The following TNXB variants were observed in gnomAD, a reference collection of about 807,000 sequenced individuals.
TNXB encodes tenascin-X.
A neutral mutation model predicts 340.5 loss-of-function variants in TNXB; 183 were observed. The ratio of observed to expected loss-of-function variants is 0.54; its 90% CI spans 0.48 to 0.61. The LOEUF (loss-of-function observed/expected upper bound fraction) is 0.61, where lower values mean the gene tolerates loss of function less well. TNXB is among the 20% of genes least tolerant of loss of function. TNXB has a pLI of 0.00. For synonymous variants in TNXB, 2,121 were observed against 2,314.5 expected (o/e 0.92, Z 2.40); for missense variants, 4,613 against 5,446.4 (o/e 0.85, Z 4.82).
chr6:32,057,677 G>A (rs142697578), intron 22 of TNXB, among the ~76,000 whole-genome samples: 98 of 152,296 alleles, frequency 6.4e-4, no homozygotes, highest in African/African-American at 2.2e-3. Context: ...TGCCTCTCAC[G>A]TGCCATGCTC....
rs1778720746 is a variant in TNXB at position 32,070,677 on chromosome 6, C to T, written c.4991-263G>A. Among the ~76,000 whole-genome samples the T allele has an allele frequency of 6.6e-6, 1 of 152,196 alleles. No homozygotes were observed. Among genetic ancestry groups the T allele is most frequent in the South Asian group, 2.1e-4 (1 of 4,832 alleles). ...TCATCTTACTCCCCTTTCTGTCCAG[C>T]CTCTTTCCGCCTCTCACAGACTGCT... On this transcript the variant is annotated intron_variant, in intron 13 of 43. Transcript: ENST00000644971. The surrounding 1 kb of genome is among the most constrained non-coding windows in gnomAD (Gnocchi z 6.0).
Position 32,046,058 on chromosome 6 carries a change from C to A in TNXB, c.10606+117G>T. 2.1e-6 allele frequency: 3 copies of A among 1,455,970 alleles called. No homozygotes were observed. Among genetic ancestry groups the A allele is most frequent in the Non-Finnish European group, 2.7e-6 (3 of 1,108,744 alleles). 90.2% of individuals were successfully genotyped at this position (1,455,970 alleles called of 1,614,324 possible). A position where few individuals can be genotyped will look rare whatever the true frequency, so the allele number is the denominator to read the frequency against. On this transcript the variant is annotated intron_variant, in intron 31 of 43. Coordinates refer to ENST00000644971, the MANE Select transcript of TNXB (RefSeq NM_001365276.2). This position sits in a 1 kb window ranked among gnomAD's most constrained non-coding sequence, Gnocchi z 6.9. ...GCAGACTCCTCCTCCTTCCTGGGGA[C>A]AGGCCAGGGCGCCCCACTCCGGCCT...
Position 32,082,414 on chromosome 6 carries a change from T to A in TNXB, c.3446-88A>T. On this transcript the variant is annotated intron_variant, in intron 8 of 43. Transcript: ENST00000644971. The surrounding 1 kb of genome is among the most constrained non-coding windows in gnomAD (Gnocchi z 5.0). Reference sequence around the variant, plus strand: ...CCCACATAGGAATGCTGTGTGAGGCTGTGCAGGTTGTTCACTGCACAAAAG... The same window carrying A: ...CCCACATAGGAATGCTGTGTGAGGCAGTGCAGGTTGTTCACTGCACAAAAG... The A allele has an allele frequency of 7.4e-7, 1 of 1,354,150 alleles. No individual in the cohort carries two copies. The highest frequency in any genetic ancestry group is 1.0e-6 in the Non-Finnish European group (1 of 996,034). 83.9% of individuals were successfully genotyped at this position (1,354,150 alleles called of 1,614,324 possible).
At chr6:32,057,408 G>T (rs1471507657) in intron 22 of TNXB, among the ~76,000 whole-genome samples, 1 of 152,066 alleles carries the variant, frequency 6.6e-6, no homozygotes, top group Non-Finnish European at 1.5e-5. Context: ...ATCCTAGTTT[G>T]AGCCACTGTC....
At position 32,084,630 on chromosome 6, in the gene TNXB, G is replaced by A. The variant is rs757465460; in HGVS notation, c.3228C>T (p.Asp1076=). ...GELTVTDRTS[D]SLLLRWTVPE... is the part of the protein sequence containing the mutation. ...GGACCGTCCAGCGCAGGAGCAAGGA[G>A]TCGGAGGTCCTGTCTGTCACCGTCA... The change falls in exon 8 of 44, where the codon GAC becomes GAT. Residue 1076 remains aspartate (D), a synonymous_variant. Coordinates refer to ENST00000644971, the MANE Select transcript of TNXB (RefSeq NM_001365276.2). The surrounding 1 kb of genome is among the most constrained non-coding windows in gnomAD (Gnocchi z 5.5). 1.9e-6 allele frequency: 3 copies of A among 1,602,172 alleles called. No homozygotes were observed. Among genetic ancestry groups the A allele is most frequent in the South Asian group, 2.2e-5 (2 of 89,338 alleles).
rs1418693133 is a variant in TNXB, at chr6:32,087,290, C to A, written c.2780-1172G>T. 4.0e-6 allele frequency: 2 copies of A among 501,852 alleles called. No individual in the cohort carries two copies. The highest frequency in any genetic ancestry group is 7.9e-6 in the Non-Finnish European group (2 of 252,210). 31.1% of individuals were successfully genotyped at this position (501,852 alleles called of 1,614,324 possible). A position where few individuals can be genotyped will look rare whatever the true frequency, so the allele number is the denominator to read the frequency against. ...AAGGCGTAGGACTTGGAGGTCTGCC[C>A]CGCCCGCACCCCGTGGACCTCCACG... On this transcript the variant is annotated intron_variant, in intron 6 of 43. Transcript: ENST00000644971. The surrounding 1 kb of genome is among the most constrained non-coding windows in gnomAD (Gnocchi z 9.0).
rs1298113615 is a variant in TNXB, at chr6:32,109,211, C to T, written c.-39G>A. ...CAACCGAGCAGCTGCAGTGCCTCTG[C>T]ACCTGCTCTGTCCCCAACCCCGGGA... On this transcript the variant is annotated 5_prime_UTR_variant, in exon 1 of 44. Transcript: ENST00000644971. 2 of 152,418 alleles carry T rather than the reference C, an allele frequency of 1.3e-5. No homozygotes were observed. Among genetic ancestry groups the T allele is most frequent in the African/African-American group, 2.4e-5 (1 of 41,458 alleles). 9.4% of individuals were successfully genotyped at this position (152,418 alleles called of 1,614,324 possible).
At chr6:32,050,912 C>A (rs1471976239) in intron 26 of TNXB, among the ~76,000 whole-genome samples, 2 of 152,204 alleles carry the variant, frequency 1.3e-5, no homozygotes, top group Non-Finnish European at 2.9e-5. Context: ...CTTTAGCCCC[C>A]ACAGATGAGC....
At position 32,087,100 on chromosome 6, in the gene TNXB, C is replaced by T. The variant is rs1459717252; in HGVS notation, c.2780-982G>A. On this transcript the variant is annotated intron_variant, in intron 6 of 43. Coordinates refer to ENST00000644971, the MANE Select transcript of TNXB (RefSeq NM_001365276.2). This position sits in a 1 kb window ranked among gnomAD's most constrained non-coding sequence, Gnocchi z 9.0. ...TAGGGACAATGGACTCGTGCTTTGT[C>T]CTGGGGGCCCCCTGGAGCCCCGGCC... 1.3e-5 allele frequency among the ~76,000 whole-genome samples: 2 copies of T among 152,232 alleles called. No homozygotes were observed. The highest frequency in any genetic ancestry group is 4.8e-5 in the African/African-American group (2 of 41,464).
chr6:32,049,223 G>C lies in TNXB; in HGVS notation c.9757+47C>G. 1 of 1,574,040 alleles carries C rather than the reference G, an allele frequency of 6.4e-7. No individual in the cohort carries two copies. The highest frequency in any genetic ancestry group is 8.6e-7 in the Non-Finnish European group (1 of 1,158,050). ...CAAGATCCAAAGGAGAAACACAAGG[G>C]GGCTGCAGAGGTAAACCTGGGGACG... On this transcript the variant is annotated intron_variant, in intron 28 of 43. Coordinates refer to ENST00000644971, the MANE Select transcript of TNXB (RefSeq NM_001365276.2). The surrounding 1 kb of genome is among the most constrained non-coding windows in gnomAD (Gnocchi z 4.5).
Position 32,056,794 on chromosome 6 carries a change from G to C in TNXB, c.7935C>G (p.Ser2645Arg). 1 of 1,613,278 alleles carries C rather than the reference G, an allele frequency of 6.2e-7. No homozygotes were observed. Among genetic ancestry groups the C allele is most frequent in the Non-Finnish European group, 8.5e-7 (1 of 1,179,854 alleles). Residue 2645 changes from serine (S) to arginine (R), a missense_variant, in exon 23 of 44, where the codon AGC (serine) becomes AGG (arginine). By Grantham distance (110) the Ser-to-Arg change is moderately radical. Around this residue, in one of 7 missense-constraint regions of TNXB, gnomAD observed 4,327 missense variants for 4,859.4 expected, o/e 0.89. Coordinates refer to ENST00000644971, the MANE Select transcript of TNXB (RefSeq NM_001365276.2). ...TMTDATPDSL[S>R]LSWTVPEGQF... ...GGCCCTCGGGAACCGTCCAGGACAG[G>C]CTGAGGGAGTCAGGGGTGGCATCTG... is the stretch of plus-strand genomic sequence containing the variant.
In TNXB at chr6:32,049,355, C is replaced by T. The variant is rs61740331; in HGVS notation, c.9672G>A (p.Leu3224=). 18,487 of 1,612,520 alleles carry T rather than the reference C, an allele frequency of 0.011. 163 individuals are homozygous for T. The highest frequency in any genetic ancestry group is 0.014 in the African/African-American group (1,034 of 75,014). The change falls in exon 28 of 44, where the codon CTG becomes CTA. Residue 3224 remains leucine (L), a synonymous_variant. Coordinates refer to ENST00000644971, the MANE Select transcript of TNXB (RefSeq NM_001365276.2). This position sits in a 1 kb window ranked among gnomAD's most constrained non-coding sequence, Gnocchi z 4.5. ...GCATCTTGTATTTGCGCCCGGGCTC[C>T]AGGCCCCCCACGGTGACCTCGCTCT... The part of the protein sequence containing the change: ...GEESEVTVGG[L]EPGRKYKMHL...
Position 32,044,213 on chromosome 6 carries a change from A to G in TNXB, c.11264-84T>C, listed in dbSNP as rs1421892743. 1.3e-5 allele frequency: 15 copies of G among 1,182,670 alleles called. 1 individual carries two copies. In the East Asian group the frequency reaches 3.9e-4, roughly 31 times the overall value. 73.3% of individuals were successfully genotyped at this position (1,182,670 alleles called of 1,614,324 possible). On this transcript the variant is annotated intron_variant, in intron 33 of 43. Transcript: ENST00000644971. Reference sequence around the variant, plus strand: ...GTCCCCCCCTCGCCTCTGCTCCAGCACAGGCTCACCACCCCTTTTCCTCTA... The same window carrying G: ...GTCCCCCCCTCGCCTCTGCTCCAGCGCAGGCTCACCACCCCTTTTCCTCTA...
intron 18 of TNXB, among the ~76,000 whole-genome samples, chr6:32,066,037 G>A (rs535159802): frequency 3.9e-5 from 6 of 152,218 alleles, no homozygotes; most frequent in South Asian, 4.2e-4. Flanking sequence ...TCTGTGGTTC[G>A]TTTTTAAAAT....
In TNXB at chr6:32,046,232, G is replaced by A; in HGVS notation, c.10549C>T (p.Leu3517Phe). 6.2e-7 allele frequency: 1 copy of A among 1,603,872 alleles called. No individual in the cohort carries two copies. Residue 3517 changes from leucine to phenylalanine, a missense_variant, in exon 31 of 44, where the codon CTC (leucine) becomes TTC (phenylalanine). Coordinates refer to ENST00000644971, the MANE Select transcript of TNXB (RefSeq NM_001365276.2). This position sits in a 1 kb window ranked among gnomAD's most constrained non-coding sequence, Gnocchi z 6.9. ...LEPGKKYKFLLYGLLGGKRLG... is the reference protein window; with the variant it reads ...LEPGKKYKFLFYGLLGGKRLG... ...CGCTTTCCCCCAAGGAGCCCGTAGA[G>A]CAGAAACTTGTATTTCTTGCCAGGC...
rs759963536 is a variant in TNXB, at chr6:32,085,505, G to A, written c.3148+245C>T. 6.6e-5 allele frequency among the ~76,000 whole-genome samples: 10 copies of A among 151,888 alleles called. No homozygotes were observed. Among genetic ancestry groups the A allele is most frequent in the Non-Finnish European group, 1.2e-4 (8 of 67,934 alleles). ...CTCCTGGAATCTCTGTCCCACCCTCGGCCTTTTTACCTCTGCCTCTTTCCC... is the reference window on the plus strand; with the variant it reads ...CTCCTGGAATCTCTGTCCCACCCTCAGCCTTTTTACCTCTGCCTCTTTCCC... On this transcript the variant is annotated intron_variant, in intron 7 of 43. Transcript: ENST00000644971. The surrounding 1 kb of genome is among the most constrained non-coding windows in gnomAD (Gnocchi z 6.4).
In TNXB at chr6:32,066,399, A is replaced by AAATCAATC. The variant is rs146024056; in HGVS notation, c.6544+1254_6544+1261dup. ...ATAGAGTGGGAATTTGTCTCAAAAAAAATCAATCAATCAATCAATCAATCA... is the reference window on the plus strand; with the variant it reads ...ATAGAGTGGGAATTTGTCTCAAAAAAAATCAATCAATCAATCAATCAATCAATCAATCA... On this transcript the variant is annotated intron_variant, in intron 18 of 43. Transcript: ENST00000644971. Among the ~76,000 whole-genome samples the AAATCAATC allele has an allele frequency of 1.3e-3, 192 of 152,074 alleles. 2 individuals are homozygous for AAATCAATC. Among genetic ancestry groups the AAATCAATC allele is most frequent in the Middle Eastern group, 3.4e-3 (1 of 294 alleles).
chr6:32,105,256 C>A (rs1780921251), intron 1 of TNXB, among the ~76,000 whole-genome samples: 1 of 152,186 alleles, frequency 6.6e-6, no homozygotes, highest in South Asian at 2.1e-4. Context: ...CAGGTCTCAG[C>A]CCGCCATTTT....
Position 32,084,627 on chromosome 6 carries a change from G to A in TNXB, c.3231C>T (p.Ser1077=). The A allele has an allele frequency of 6.2e-7, 1 of 1,602,860 alleles. No individual in the cohort carries two copies. Among genetic ancestry groups the A allele is most frequent in the South Asian group, 1.1e-5 (1 of 89,354 alleles). Residue 1077 remains serine, a synonymous_variant, in exon 8 of 44, where the codon TCC becomes TCT. Transcript: ENST00000644971. The surrounding 1 kb of genome is among the most constrained non-coding windows in gnomAD (Gnocchi z 5.5). ...ELTVTDRTSD[S]LLLRWTVPEG... The stretch of plus-strand genomic sequence containing the variant: ...CGGGGACCGTCCAGCGCAGGAGCAA[G>A]GAGTCGGAGGTCCTGTCTGTCACCG...
Sources: allele counts gnomAD v4.1 joint callset (sites outside exome capture counted in the v4.1 genomes callset), GRCh38; gene constraint gnomAD v4.1.1; regional missense constraint gnomAD v4.1.1; non-coding constraint Gnocchi (gnomAD v3.1); transcripts MANE v1.5; gene names NCBI Gene and HGNC (gene_info 2026-07-23, HGNC 2026-07-21).